TGFBRAP1: variants seen among roughly 807,000 people sequenced by gnomAD.
TGFBRAP1 encodes transforming growth factor-beta receptor-associated protein 1.
A neutral mutation model predicts 83.2 loss-of-function variants in TGFBRAP1; 20 were observed. The observed-to-expected ratio is 0.24, with a 90% CI of 0.17 to 0.35. TGFBRAP1 has a LOEUF of 0.35. TGFBRAP1 is among the 10% of genes least tolerant of loss of function. The pLI is 1.00. For synonymous variants in TGFBRAP1, 415 were observed against 459.8 expected, an observed-to-expected ratio of 0.90 and a Z score of 1.25; for missense variants, 950 against 1,099.4, an observed-to-expected ratio of 0.86 and a Z score of 1.92.
chr2:105,260,484 G>A (rs951691037), downstream of TGFBRAP1, among the ~76,000 whole-genome samples: 5 of 152,188 alleles, frequency 3.3e-5, no homozygotes, highest in Non-Finnish European at 7.3e-5. Flanking sequence ...AGTGAAATAA[G>A]CCAGTCACAA....
downstream of TGFBRAP1, among the ~76,000 whole-genome samples, chr2:105,262,417 C>G (rs571997255): frequency 1.3e-5 from 2 of 152,290 alleles, no homozygotes; most frequent in South Asian, 2.1e-4. Context: ...CCCCCTTGGC[C>G]TCCCACCATG....
chr2:105,280,857 T>C (rs183166417), intron 5 of TGFBRAP1, 134 bp from the exon 6 acceptor site: 2 of 971,140 alleles, frequency 2.1e-6, no homozygotes, highest in East Asian at 5.3e-5. Context: ...AGGGTAATCA[T>C]GTCAGAGCAA....
intron 1 of TGFBRAP1, among the ~76,000 whole-genome samples, chr2:105,313,516 A>C (rs1490605416): frequency 6.6e-6 from 1 of 152,234 alleles, no homozygotes; most frequent in Non-Finnish European, 1.5e-5. Flanking sequence ...TCACATAATA[A>C]ATGTTTCTAA....
At chr2:105,312,204 A>G (rs116681825) in intron 1 of TGFBRAP1, among the ~76,000 whole-genome samples, 2,049 of 152,258 alleles carry the variant, frequency 0.013, 53 homozygotes, top group African/African-American at 0.047. Context: ...AGGCTTACCT[A>G]TAATCCTAAC....
At chr2:105,317,508 T>C (rs1678922700) in intron 1 of TGFBRAP1, among the ~76,000 whole-genome samples, 1 of 152,030 alleles carries the variant, frequency 6.6e-6, no homozygotes, top group South Asian at 2.1e-4. Context: ...ATTAATATTC[T>C]TAAGTATAAA....
At chr2:105,326,576 G>A (rs375100275) in intron 1 of TGFBRAP1, among the ~76,000 whole-genome samples, 2 of 152,172 alleles carry the variant, frequency 1.3e-5, no homozygotes, top group African/African-American at 4.8e-5. Flanking sequence ...AAAATTAGCC[G>A]GGCATGGTGG....
At chr2:105,318,922 C>G (rs1678969444) in intron 1 of TGFBRAP1, among the ~76,000 whole-genome samples, 1 of 152,162 alleles carries the variant, frequency 6.6e-6, no homozygotes, top group African/African-American at 2.4e-5. Flanking sequence ...ATAAGTATCT[C>G]CACTCTCAGT....
intron 1 of TGFBRAP1, among the ~76,000 whole-genome samples, chr2:105,326,984 A>G (rs893238505): frequency 6.6e-6 from 1 of 152,180 alleles, no homozygotes; most frequent in African/African-American, 2.4e-5. Flanking sequence ...ATTTTTTTAA[A>G]TAAAGAAAAA....
At chr2:105,325,602 C>T (rs1308247650) in intron 1 of TGFBRAP1, among the ~76,000 whole-genome samples, 2 of 150,102 alleles carry the variant, frequency 1.3e-5, no homozygotes. Context: ...TGCTGCAGTT[C>T]CTGAGGAGTC....
At chr2:105,263,755 G>A (rs1676841585), downstream of TGFBRAP1, among the ~76,000 whole-genome samples, 13 of 152,124 alleles carry the variant, frequency 8.5e-5, no homozygotes, top group South Asian at 1.9e-3. Flanking sequence ...TGTGGTGGAC[G>A]GGCACCTGTA....
downstream of TGFBRAP1, among the ~76,000 whole-genome samples, chr2:105,263,021 C>T (rs145201149): frequency 4.6e-5 from 7 of 152,336 alleles, no homozygotes; most frequent in Non-Finnish European, 1.0e-4. Flanking sequence ...ATTACTCTAA[C>T]ACGAGTCACA....
At chr2:105,298,102 G>C (rs1231196597) in intron 3 of TGFBRAP1, among the ~76,000 whole-genome samples, 1 of 152,062 alleles carries the variant, frequency 6.6e-6, no homozygotes, top group Non-Finnish European at 1.5e-5. Context: ...TGCTTGAGTG[G>C]CCTGAAGCCC....
intron 7 of TGFBRAP1, among the ~76,000 whole-genome samples, chr2:105,276,543 A>C (rs1461746021): frequency 2.6e-5 from 4 of 152,202 alleles, no homozygotes; most frequent in Non-Finnish European, 5.9e-5. Context: ...GAAACCAAAT[A>C]ATCACACATA....
chr2:105,281,371 T>C (rs934706017), intron 5 of TGFBRAP1, among the ~76,000 whole-genome samples: 12 of 152,126 alleles, frequency 7.9e-5, no homozygotes, highest in Non-Finnish European at 5.9e-5. Context: ...ATCTCAAACC[T>C]GGCCCAGTGT....
At chr2:105,286,240 C>T (rs1470737791) in intron 4 of TGFBRAP1, among the ~76,000 whole-genome samples, 1 of 152,194 alleles carries the variant, frequency 6.6e-6, no homozygotes, top group Non-Finnish European at 1.5e-5. Context: ...CAAAGAGGTT[C>T]TTCATCCTGG....
At chr2:105,258,947 C>T in the TGFBRAP1 span, among the ~76,000 whole-genome samples, 7 of 152,238 alleles carry the variant, frequency 4.6e-5, no homozygotes, top group South Asian at 2.1e-4. Flanking sequence ...GAAAATTACA[C>T]CAGTAGGCGC....
intron 3 of TGFBRAP1, among the ~76,000 whole-genome samples, chr2:105,297,161 C>T (rs1678117747): frequency 6.6e-6 from 1 of 152,194 alleles, no homozygotes; most frequent in Admixed American, 6.5e-5. Context: ...TACTACTAAG[C>T]TTCCAGATTA....
the TGFBRAP1 span, among the ~76,000 whole-genome samples, chr2:105,258,172 A>G: frequency 6.6e-6 from 1 of 152,208 alleles, no homozygotes; most frequent in Non-Finnish European, 1.5e-5. Flanking sequence ...GCTCTGCCCC[A>G]GGAGGAAACA....
intron 8 of TGFBRAP1, 145 bp downstream of exon 8, chr2:105,275,415 T>C: frequency 7.5e-7 from 1 of 1,340,630 alleles, no homozygotes; most frequent in Non-Finnish European, 9.9e-7. Context: ...AGGGAAGGTA[T>C]TAAAAGGGGA....
Sources: gnomAD v4.1 joint callset for allele counts (sites outside exome capture counted in the v4.1 genomes callset) on GRCh38, gnomAD v4.1.1 for gene constraint, MANE v1.5 for transcripts, NCBI Gene and HGNC (gene_info 2026-07-23, HGNC 2026-07-21) for gene names.